Variants in ROBO1 observed in about 807,000 individuals in gnomAD.
ROBO1 encodes roundabout homolog 1.
In ROBO1, 149 loss-of-function variants were observed where a neutral mutation model predicts 195.9. The ratio of observed to expected loss-of-function variants is 0.76; its 90% CI spans 0.67 to 0.87. The LOEUF (loss-of-function observed/expected upper bound fraction) is 0.87, where lower values mean the gene tolerates loss of function less well. Ranked by LOEUF, ROBO1 falls within the 40% of genes least tolerant of loss-of-function variation. The probability of loss-of-function intolerance (pLI) is 0.00; values close to 1 mark genes in which losing one functional copy is unlikely to be tolerated. For synonymous variants in ROBO1, 816 were observed against 733.2 expected, an observed-to-expected ratio of 1.11 and a Z score of -1.82; for missense variants, 1,933 against 2,068.3, an observed-to-expected ratio of 0.93 and a Z score of 1.27.
intron 2 of ROBO1, among the ~76,000 whole-genome samples, chr3:79,152,948 A>G (rs746896482): frequency 1.3e-5 from 2 of 151,798 alleles, no homozygotes; most frequent in Non-Finnish European, 2.9e-5. Context: ...GTTAAAACAA[A>G]AACAATAGCC....
intron 1 of ROBO1, among the ~76,000 whole-genome samples, chr3:79,640,888 C>G (rs1053940843): frequency 2.0e-5 from 3 of 152,088 alleles, no homozygotes; most frequent in Admixed American, 6.6e-5. Flanking sequence ...CTACAGTTCC[C>G]CCAGGATACA....
chr3:78,667,797 T>C (rs764924940), intron 14 of ROBO1, 86 bp downstream of exon 14: 135 of 1,349,606 alleles, frequency 1.0e-4, no homozygotes, highest in Non-Finnish European at 1.3e-4. Context: ...TGTACAATTC[T>C]AGCATGTAGC....
intron 3 of ROBO1, among the ~76,000 whole-genome samples, chr3:79,035,576 G>A (rs2078368167): frequency 6.6e-6 from 1 of 151,968 alleles, no homozygotes; most frequent in African/African-American, 2.4e-5. Context: ...AAAACAATTA[G>A]TGGGGCATGG....
intron 4 of ROBO1, among the ~76,000 whole-genome samples, chr3:78,846,583 T>G (rs905117974): frequency 2.0e-5 from 3 of 152,158 alleles, no homozygotes; most frequent in African/African-American, 7.2e-5. Context: ...AATAGAATAT[T>G]TGAAAATATA....
In ROBO1 at chr3:78,617,694, G is replaced by T. The variant is rs1704196782; in HGVS notation, c.4223C>A (p.Ala1408Glu). 6.2e-7 allele frequency: 1 copy of T among 1,613,840 alleles called. No homozygotes were observed. The highest frequency in any genetic ancestry group is 8.5e-7 in the Non-Finnish European group (1 of 1,179,880). The change falls in exon 27 of 31, where the codon GCA becomes GAA. Residue 1408 changes from alanine (A) to glutamate (E), a missense_variant. This residue lies in a region of ROBO1 where 1,737 missense variants were observed against 1,882.5 expected (regional missense o/e 0.92). Transcript: ENST00000464233. The part of the protein sequence containing the change: ...FTDADFAQAV[A>E]AAAEYAGLKV... ...CAGACCAGCATACTCTGCCGCTGCTGCGACTGCCTGGGCAAAGTCAGCATC... is the reference window on the plus strand; with the variant it reads ...CAGACCAGCATACTCTGCCGCTGCTTCGACTGCCTGGGCAAAGTCAGCATC...
At position 79,104,848 on chromosome 3, in the gene ROBO1, A is replaced by C. The variant is rs1225088108; in HGVS notation, c.172+20608T>G. 2.0e-5 allele frequency among the ~76,000 whole-genome samples: 3 copies of C among 151,954 alleles called. No individual in the cohort carries two copies. The Admixed American group carries it at 2.0e-4, about 10-fold the overall frequency. ...GGAAACAGTTTGTATTAATACAAGAATGGACATATAGTTTAATGTAACAGA... is the reference window on the plus strand; with the variant it reads ...GGAAACAGTTTGTATTAATACAAGACTGGACATATAGTTTAATGTAACAGA... On this transcript the variant is annotated intron_variant, in intron 3 of 30. Coordinates refer to ENST00000464233, the MANE Select transcript of ROBO1 (RefSeq NM_002941.4).
chr3:79,394,782 GTGAGTGTTA>G (rs1422174982), intron 2 of ROBO1, among the ~76,000 whole-genome samples: 4 of 152,118 alleles, frequency 2.6e-5, no homozygotes, highest in Non-Finnish European at 5.9e-5. Flanking sequence ...GCAGGTACTA[GTGAGTGTTA>G]AAACAAAATA....
intron 3 of ROBO1, among the ~76,000 whole-genome samples, chr3:79,083,178 A>G (rs1381763876): frequency 6.6e-6 from 1 of 152,164 alleles, no homozygotes; most frequent in African/African-American, 2.4e-5. Context: ...CCTGAGCCAC[A>G]GAGTGAGACT....
chr3:79,583,104 T>A (rs1943710834), intron 2 of ROBO1, among the ~76,000 whole-genome samples: 2 of 152,040 alleles, frequency 1.3e-5, no homozygotes, highest in Non-Finnish European at 1.5e-5. Flanking sequence ...TGCTAACGTG[T>A]ATGTTTTCTC....
At chr3:78,674,442 C>T (rs956622282) in intron 10 of ROBO1, among the ~76,000 whole-genome samples, 1 of 152,158 alleles carries the variant, frequency 6.6e-6, no homozygotes, top group Admixed American at 6.5e-5. Flanking sequence ...TGCAATAATT[C>T]TAGTTTTACC....
chr3:78,784,247 A>G (rs1193402528), intron 4 of ROBO1, among the ~76,000 whole-genome samples: 1 of 152,142 alleles, frequency 6.6e-6, no homozygotes, highest in East Asian at 1.9e-4. Context: ...CTTAATCTGT[A>G]GAATAGGAAT....
chr3:79,380,537 G>A (rs551303958), intron 2 of ROBO1, among the ~76,000 whole-genome samples: 1 of 152,054 alleles, frequency 6.6e-6, no homozygotes, highest in African/African-American at 2.4e-5. Flanking sequence ...TGAAGATTAT[G>A]GTCACTTTTA....
chr3:78,963,401 C>G (rs376704023), intron 3 of ROBO1, among the ~76,000 whole-genome samples: 4 of 145,984 alleles, frequency 2.7e-5, no homozygotes, highest in East Asian at 4.1e-4. Flanking sequence ...TTGAGTGGAT[C>G]AGAGACTCTT....
intron 4 of ROBO1, among the ~76,000 whole-genome samples, chr3:78,842,762 A>G (rs915441153): frequency 6.6e-6 from 1 of 151,700 alleles, no homozygotes; most frequent in Non-Finnish European, 1.5e-5. Flanking sequence ...TTGCTATTGG[A>G]GCAATAATTT....
At chr3:78,890,427 A>C (rs2036820336) in intron 4 of ROBO1, among the ~76,000 whole-genome samples, 1 of 152,084 alleles carries the variant, frequency 6.6e-6, no homozygotes, top group South Asian at 2.1e-4. Context: ...AACCAGGAAG[A>C]GGGCCATCAT....
intron 3 of ROBO1, among the ~76,000 whole-genome samples, chr3:78,977,909 T>C (rs2076916223): frequency 6.6e-6 from 1 of 152,120 alleles, no homozygotes; most frequent in South Asian, 2.1e-4. Context: ...TTTTAATGTA[T>C]ATAAATGAAT....
At chr3:79,414,668 T>C (rs2037924623) in intron 2 of ROBO1, among the ~76,000 whole-genome samples, 1 of 152,134 alleles carries the variant, frequency 6.6e-6, no homozygotes, top group African/African-American at 2.4e-5. Flanking sequence ...GGTACACTAG[T>C]AAAAGCTCAA....
chr3:79,018,841 C>A, intron 3 of ROBO1: 3 of 1,006,032 alleles, frequency 3.0e-6, no homozygotes, highest in Non-Finnish European at 3.6e-6. Context: ...AGCGCCGCTG[C>A]GAGGGCAGGC....
At chr3:79,732,321 A>G (rs1703187344) in intron 1 of ROBO1, among the ~76,000 whole-genome samples, 1 of 151,974 alleles carries the variant, frequency 6.6e-6, no homozygotes, top group Non-Finnish European at 1.5e-5. Flanking sequence ...TAGACATCAT[A>G]TATATCACAT....
Sources: allele counts gnomAD v4.1 joint callset (sites outside exome capture counted in the v4.1 genomes callset), GRCh38; gene constraint gnomAD v4.1.1; regional missense constraint gnomAD v4.1.1; transcripts MANE v1.5; gene names NCBI Gene and HGNC (gene_info 2026-07-23, HGNC 2026-07-21).